Variants in SSTR3 observed in about 807,000 individuals in gnomAD.
SSTR3 encodes the protein somatostatin receptor type 3.
For missense variants in SSTR3, 504 were observed against 604.7 expected, an observed-to-expected ratio of 0.83 and a Z score of 1.75; for synonymous variants, 281 against 269.2, an observed-to-expected ratio of 1.04 and a Z score of -0.43.
At chr22:37,208,217 G>A (rs1462070301) in intron 1 of SSTR3, among the ~76,000 whole-genome samples, 2 of 152,178 alleles carry the variant, frequency 1.3e-5, no homozygotes, top group East Asian at 1.9e-4. Context: ...GCCACCAACA[G>A]GTCTCGCCCT....
Position 37,206,630 on chromosome 22 carries a change from C to A in SSTR3, c.1174G>T (p.Val392Leu). The change falls in exon 2 of 2, where the codon GTG (valine) becomes TTG (leucine). Residue 392 changes from valine to leucine, a missense_variant. Physicochemically the swap from Val to Leu is conservative, Grantham distance 32. Coordinates refer to ENST00000610913, the MANE Select transcript of SSTR3 (RefSeq NM_001051.5). ...AGGAGCTGCTGCTCCTTGCTGGCCA[C>A]TCTGCTGGGCGGCCGCTCCTGCCCG... Reference protein sequence around the residue: ...TSGQERPPSRVASKEQQLLPQ... With the variant: ...TSGQERPPSRLASKEQQLLPQ... 6.2e-7 allele frequency: 1 copy of A among 1,611,774 alleles called. No homozygotes were observed. The highest frequency in any genetic ancestry group is 8.5e-7 in the Non-Finnish European group (1 of 1,180,010).
At chr22:37,217,367 C>T (rs565114641), upstream of SSTR3, among the ~76,000 whole-genome samples, 4 of 152,162 alleles carry the variant, frequency 2.6e-5, no homozygotes, top group Admixed American at 2.6e-4. Flanking sequence ...TTGCTTTATC[C>T]TTAAATTTCT....
chr22:37,206,625 G>A lies in SSTR3; in HGVS notation c.1179C>T (p.Ala393=), dbSNP rs772853541. Residue 393 remains alanine, a synonymous_variant, in exon 2 of 2, where the codon GCC becomes GCT. Coordinates refer to ENST00000610913, the MANE Select transcript of SSTR3 (RefSeq NM_001051.5). The stretch of plus-strand genomic sequence containing the variant: ...GGGGTAGGAGCTGCTGCTCCTTGCT[G>A]GCCACTCTGCTGGGCGGCCGCTCCT... ...SGQERPPSRV[A]SKEQQLLPQE... The A allele has an allele frequency of 2.0e-5, 32 of 1,611,938 alleles. No homozygotes were observed. The highest frequency in any genetic ancestry group is 2.5e-5 in the Non-Finnish European group (30 of 1,180,002).
Position 37,206,494 on chromosome 22 carries a change from C to A in SSTR3, c.*53G>T. ...GGCACCTTGGGAAGTAGGCCCTAGG[C>A]ACACCCACGGCTTCTGCCTCTTCCT... On this transcript the variant is annotated 3_prime_UTR_variant, in exon 2 of 2. Transcript: ENST00000610913. 1 of 1,541,328 alleles carries A rather than the reference C, an allele frequency of 6.5e-7. No homozygotes were observed. The highest frequency in any genetic ancestry group is 8.7e-7 in the Non-Finnish European group (1 of 1,146,086).
the SSTR3 span, among the ~76,000 whole-genome samples, chr22:37,217,744 C>T: frequency 1.3e-5 from 2 of 152,076 alleles, no homozygotes; most frequent in East Asian, 3.9e-4. Context: ...CACTCTGTCA[C>T]CCAGGCTGGA....
rs200458888 is a variant in SSTR3 at position 37,207,441 on chromosome 22, C to T, written c.363G>A (p.Ala121=). The T allele has an allele frequency of 2.4e-5, 39 of 1,613,578 alleles. No individual in the cohort carries two copies. In the East Asian group the frequency reaches 4.9e-4, roughly 20 times the overall value. ...FGSLMCRLVM[A]VDGINQFTSI... ...TGGTGAACTGGTTGATGCCATCCAC[C>T]GCCATGACCAGGCGGCACATGAGGG... Residue 121 remains alanine, a synonymous_variant, in exon 2 of 2, where the codon GCG becomes GCA. Transcript: ENST00000610913.
chr22:37,214,052 G>T (rs1234972408), upstream of SSTR3, among the ~76,000 whole-genome samples: 1 of 152,130 alleles, frequency 6.6e-6, no homozygotes, highest in African/African-American at 2.4e-5. Flanking sequence ...GGGTTCTTGC[G>T]AAGGTTAAAG....
intron 1 of SSTR3, 23 bp from the exon 2 acceptor site, chr22:37,207,862 G>C: frequency 2.7e-6 from 4 of 1,457,122 alleles, no homozygotes; most frequent in South Asian, 1.5e-5. Context: ...AAAACAGCTC[G>C]GTCACAGCAG....
chr22:37,207,201 GGCC>G lies in SSTR3; in HGVS notation c.600_602del (p.Ala201del). On this transcript the variant is annotated inframe_deletion, in exon 2 of 2. Transcript: ENST00000610913. ...TGTAGATGATGAAGCCGGCTCGCCAGGCCGCCGCCGGCTCGGGCCACTGCATGT... is the reference window on the plus strand; with the variant it reads ...TGTAGATGATGAAGCCGGCTCGCCAGGCCGCCGGCTCGGGCCACTGCATGT... The G allele has an allele frequency of 6.2e-7, 1 of 1,610,692 alleles. No homozygotes were observed. The highest frequency in any genetic ancestry group is 1.1e-5 in the South Asian group (1 of 90,976).
chr22:37,214,280 G>A (rs1401347566), upstream of SSTR3, among the ~76,000 whole-genome samples: 1 of 152,318 alleles, frequency 6.6e-6, no homozygotes, highest in East Asian at 1.9e-4. Flanking sequence ...CAGAAAGGGG[G>A]CTCTGACCTC....
rs567510332 is a variant in SSTR3 at position 37,206,443 on chromosome 22, C to G, written c.*104G>C. 371 of 1,484,570 alleles carry G rather than the reference C, an allele frequency of 2.5e-4. 4 individuals carry two copies. The South Asian group carries it at 4.6e-3, about 19-fold the overall frequency. The allele number at this position is 1,484,570 out of a possible 1,614,324, so 92.0% of individuals were successfully genotyped here. A position where few individuals can be genotyped will look rare whatever the true frequency, so the allele number is the denominator to read the frequency against. ...GCAGCAATAGCATCAAAGTCCAGGC[C>G]CCTCAACATCCCATCATGGGCCTGT... On this transcript the variant is annotated 3_prime_UTR_variant, in exon 2 of 2. Transcript: ENST00000610913.
chr22:37,214,154 C>T (rs1475735225), upstream of SSTR3, among the ~76,000 whole-genome samples: 1 of 152,208 alleles, frequency 6.6e-6, no homozygotes, highest in African/African-American at 2.4e-5. Context: ...TGCTCTCCAT[C>T]CACAGGCTCC....
intron 1 of SSTR3, among the ~76,000 whole-genome samples, chr22:37,211,284 G>C (rs994931842): frequency 3.3e-5 from 5 of 152,176 alleles, no homozygotes; most frequent in Non-Finnish European, 5.9e-5. Flanking sequence ...AGTGCCGACT[G>C]ACTCACTGGC....
chr22:37,217,091 G>A (rs893294326), upstream of SSTR3, among the ~76,000 whole-genome samples: 21 of 152,236 alleles, frequency 1.4e-4, no homozygotes, highest in African/African-American at 2.6e-4. Flanking sequence ...GTGAGCCACC[G>A]CGCCTGGCCT....
upstream of SSTR3, among the ~76,000 whole-genome samples, chr22:37,212,994 G>A (rs373349347): frequency 5.3e-5 from 8 of 152,312 alleles, no homozygotes; most frequent in East Asian, 9.6e-4. Context: ...TTTTGTAACT[G>A]ACAAAACTCA....
At chr22:37,207,966 A>T in intron 1 of SSTR3, 127 bp from the exon 2 acceptor site, 1 of 1,340,680 alleles carries the variant, frequency 7.5e-7, no homozygotes, top group Non-Finnish European at 9.5e-7. Flanking sequence ...ATTTCAGAAG[A>T]TGGGAGGTGC....
Position 37,211,928 on chromosome 22 carries a change from T to C in SSTR3, c.-140A>G, listed in dbSNP as rs1269693096. The C allele has an allele frequency of 2.0e-6, 2 of 985,488 alleles. No individual in the cohort carries two copies. Among genetic ancestry groups the C allele is most frequent in the African/African-American group, 3.5e-5 (2 of 57,190 alleles). The allele number at this position is 985,488 out of a possible 1,614,324, so 61.0% of individuals were successfully genotyped here. ...CAGGTGCCCCCAGGGCACTCCTAAC[T>C]AGGGTCCCCACAAGGCACCCACTTC... On this transcript the variant is annotated 5_prime_UTR_variant, in exon 1 of 2. Coordinates refer to ENST00000610913, the MANE Select transcript of SSTR3 (RefSeq NM_001051.5).
rs1233327762 is a variant in SSTR3, at chr22:37,206,167, A to T, written c.*380T>A. On this transcript the variant is annotated 3_prime_UTR_variant, in exon 2 of 2. Coordinates refer to ENST00000610913, the MANE Select transcript of SSTR3 (RefSeq NM_001051.5). ...GTGTTCCTGACTCTGAGCCCAAGAA[A>T]TCCTGGCCTTGGTTTATCCCTCTGA... The T allele has an allele frequency of 5.5e-6, 1 of 182,240 alleles. No individual in the cohort carries two copies. Among genetic ancestry groups the T allele is most frequent in the African/African-American group, 2.4e-5 (1 of 42,508 alleles). 11.3% of individuals were successfully genotyped at this position (182,240 alleles called of 1,614,324 possible).
At chr22:37,211,696 C>T in intron 1 of SSTR3, 129 bp downstream of exon 1, 1 of 946,382 alleles carries the variant, frequency 1.1e-6, no homozygotes, top group South Asian at 4.9e-5. Context: ...AGGAAGGCCT[C>T]CCTCCTGCCT....
Sources: gnomAD v4.1 joint callset for allele counts (sites outside exome capture counted in the v4.1 genomes callset) on GRCh38, gnomAD v4.1.1 for gene constraint, MANE v1.5 for transcripts, NCBI Gene and HGNC (gene_info 2026-07-23, HGNC 2026-07-21) for gene names.